SMG6: variants seen among roughly 807,000 people sequenced by gnomAD.
SMG6 encodes the protein SMG6 nonsense mediated mRNA decay factor.
In SMG6, 66 loss-of-function variants were observed where a neutral mutation model predicts 142.2. The observed-to-expected ratio is 0.46, with a 90% CI of 0.38 to 0.57. The LOEUF is 0.57. Ranked by LOEUF, SMG6 falls within the 20% of genes least tolerant of loss-of-function variation. The pLI is 0.00. For missense variants in SMG6, 1,793 were observed against 1,832.0 expected, an observed-to-expected ratio of 0.98 and a Z score of 0.39; for synonymous variants, 779 against 702.4, an observed-to-expected ratio of 1.11 and a Z score of -1.72.
chr17:2,276,788 TTTG>T (rs1454794107), intron 8 of SMG6, among the ~76,000 whole-genome samples: 2 of 152,022 alleles, frequency 1.3e-5, no homozygotes, highest in Non-Finnish European at 2.9e-5. Flanking sequence ...TGTATGTCTT[TTTG>T]TTTTTTTGAG....
At chr17:2,173,478 C>A (rs917506292) in intron 12 of SMG6, among the ~76,000 whole-genome samples, 1 of 152,224 alleles carries the variant, frequency 6.6e-6, no homozygotes, top group African/African-American at 2.4e-5. Flanking sequence ...AAGCCTCTTA[C>A]ACAATTCATC....
At chr17:2,171,668 C>A (rs751568787) in intron 13 of SMG6, among the ~76,000 whole-genome samples, 2 of 151,734 alleles carry the variant, frequency 1.3e-5, no homozygotes, top group African/African-American at 4.8e-5. Flanking sequence ...GCCACTGCAA[C>A]GGGCCAAGAC....
chr17:2,171,380 T>G (rs529607542), intron 13 of SMG6, among the ~76,000 whole-genome samples: 3 of 151,432 alleles, frequency 2.0e-5, no homozygotes, highest in Non-Finnish European at 4.4e-5. Context: ...TGTGTGTGTG[T>G]GTACTATAAA....
intron 10 of SMG6, among the ~76,000 whole-genome samples, chr17:2,206,930 T>C (rs2072699693): frequency 6.7e-6 from 1 of 149,834 alleles, no homozygotes; most frequent in Non-Finnish European, 1.5e-5. Context: ...ATAAAACAAA[T>C]AAAGATGAAA....
chr17:2,276,274 G>A (rs1445243209), intron 8 of SMG6, among the ~76,000 whole-genome samples: 1 of 152,128 alleles, frequency 6.6e-6, no homozygotes, highest in African/African-American at 2.4e-5. Flanking sequence ...AAGCTGCACA[G>A]GAATACACAA....
intron 13 of SMG6, chr17:2,087,574 A>T: frequency 4.0e-6 from 4 of 1,004,940 alleles, no homozygotes; most frequent in Non-Finnish European, 4.8e-6. Flanking sequence ...GGGCTTAGAA[A>T]AAGTTCAGCC....
At chr17:2,294,163 C>T (rs1453827747) in intron 4 of SMG6, among the ~76,000 whole-genome samples, 1 of 152,178 alleles carries the variant, frequency 6.6e-6, no homozygotes, top group Admixed American at 6.5e-5. Context: ...CATTAACCTC[C>T]TACCTAGCAC....
At chr17:2,272,872 A>G (rs1228939166) in intron 8 of SMG6, among the ~76,000 whole-genome samples, 1 of 151,800 alleles carries the variant, frequency 6.6e-6, no homozygotes, top group Non-Finnish European at 1.5e-5. Context: ...CAGGAGGCGG[A>G]GGAGCTGAGT....
rs58429166 is a variant in SMG6, at chr17:2,134,419, C to CAAAAAAAAAA, written c.3357+38229_3357+38238dup. 2.4e-4 allele frequency among the ~76,000 whole-genome samples: 7 copies of CAAAAAAAAAA among 28,720 alleles called. 1 individual carries two copies. The highest frequency in any genetic ancestry group is 8.5e-4 in the African/African-American group (5 of 5,886). 18.8% of individuals were successfully genotyped at this position (28,720 alleles called of 152,430 possible). A position where few individuals can be genotyped will look rare whatever the true frequency, so the allele number is the denominator to read the frequency against. On this transcript the variant is annotated intron_variant, in intron 13 of 18. Transcript: ENST00000263073. ...GGGCGATAAGAGCGAGACTCCATCTCAAAAAAAAAAAAAAAAAAAAAAAAA... is the reference window on the plus strand; with the variant it reads ...GGGCGATAAGAGCGAGACTCCATCTCAAAAAAAAAAAAAAAAAAAAAAAAAAAAAAAAAAA...
intron 12 of SMG6, among the ~76,000 whole-genome samples, chr17:2,185,887 G>C (rs1441253111): frequency 6.6e-6 from 1 of 152,156 alleles, no homozygotes; most frequent in African/African-American, 2.4e-5. Flanking sequence ...CATGCCAGGA[G>C]ACAAACTGCA....
intron 10 of SMG6, among the ~76,000 whole-genome samples, chr17:2,188,982 T>C (rs1182866583): frequency 6.6e-6 from 1 of 152,210 alleles, no homozygotes; most frequent in Non-Finnish European, 1.5e-5. Context: ...CCCGATCTCG[T>C]CTAAAAATGA....
chr17:2,174,136 C>T (rs766252113), intron 12 of SMG6, among the ~76,000 whole-genome samples: 3 of 152,116 alleles, frequency 2.0e-5, no homozygotes, highest in Non-Finnish European at 4.4e-5. Context: ...TGGTGGCTCA[C>T]GCCTGTAATC....
chr17:2,216,644 T>C (rs2073029252), intron 10 of SMG6, among the ~76,000 whole-genome samples: 2 of 152,242 alleles, frequency 1.3e-5, no homozygotes, highest in Non-Finnish European at 2.9e-5. Flanking sequence ...ATTAGGCACC[T>C]AACTTTTTCA....
At chr17:2,193,277 T>A (rs753907672) in intron 10 of SMG6, among the ~76,000 whole-genome samples, 7 of 152,182 alleles carry the variant, frequency 4.6e-5, no homozygotes, top group South Asian at 2.1e-4. Context: ...AAGTGCCTGC[T>A]CCCCTTTCGC....
At chr17:2,167,820 T>G (rs947717293) in intron 13 of SMG6, among the ~76,000 whole-genome samples, 1 of 152,252 alleles carries the variant, frequency 6.6e-6, no homozygotes, top group Non-Finnish European at 1.5e-5. Flanking sequence ...GTTTTACATT[T>G]CCTAGTAATG....
intron 13 of SMG6, among the ~76,000 whole-genome samples, chr17:2,124,669 T>C (rs1003334710): frequency 1.3e-5 from 2 of 152,032 alleles, no homozygotes; most frequent in Non-Finnish European, 2.9e-5. Flanking sequence ...CGGGGAGTCA[T>C]TAGAGAGAAG....
At chr17:2,104,187 G>A (rs560923422) in intron 13 of SMG6, among the ~76,000 whole-genome samples, 22 of 151,862 alleles carry the variant, frequency 1.4e-4, no homozygotes, top group Middle Eastern at 3.4e-3. Context: ...TCCTGACCTC[G>A]TGATCCGCCC....
intron 11 of SMG6, 34 bp downstream of exon 11, chr17:2,188,365 A>G (rs369178596): frequency 8.0e-5 from 128 of 1,591,262 alleles, no homozygotes; most frequent in Non-Finnish European, 9.3e-5. Flanking sequence ...AGGCAACTGG[A>G]AAGCCCACCA....
intron 12 of SMG6, 173 bp from the exon 13 acceptor site, chr17:2,173,032 T>C (rs1222372177): frequency 3.1e-6 from 2 of 638,482 alleles, no homozygotes; most frequent in Admixed American, 2.6e-5. Context: ...AAGGCAGCAA[T>C]CTGAGGTATG....
Sources: allele counts gnomAD v4.1 joint callset (sites outside exome capture counted in the v4.1 genomes callset), GRCh38; gene constraint gnomAD v4.1.1; transcripts MANE v1.5; gene names NCBI Gene and HGNC (gene_info 2026-07-23, HGNC 2026-07-21).